The following TBL1XR1 variants were observed in gnomAD, a reference collection of about 807,000 sequenced individuals.
TBL1XR1 encodes the protein TBL1X/Y related 1.
A neutral mutation model predicts 66.9 loss-of-function variants in TBL1XR1; 5 were observed. The observed-to-expected ratio is 0.07, with a 90% CI of 0.04 to 0.16. TBL1XR1 has a LOEUF of 0.16. TBL1XR1 is among the 10% of genes least tolerant of loss of function. The pLI is 1.00. For synonymous variants in TBL1XR1, 210 were observed against 206.0 expected (o/e 1.02, Z -0.17); for missense variants, 238 against 623.2 (o/e 0.38, Z 6.58).
At chr3:177,197,782 G>A (rs868833442), upstream of TBL1XR1, among the ~76,000 whole-genome samples, 2 of 147,304 alleles carry the variant, frequency 1.4e-5, no homozygotes, top group Non-Finnish European at 3.0e-5. Flanking sequence ...GGGCTGTGCG[G>A]CGCATTCTTT....
At chr3:177,092,939 A>G (rs1046434332) in intron 2 of TBL1XR1, among the ~76,000 whole-genome samples, 2 of 152,138 alleles carry the variant, frequency 1.3e-5, no homozygotes, top group African/African-American at 4.8e-5. Context: ...TCTATTCAAC[A>G]TAGTACTTAC....
At chr3:177,074,703 C>T (rs971980269) in intron 2 of TBL1XR1, among the ~76,000 whole-genome samples, 3 of 152,130 alleles carry the variant, frequency 2.0e-5, no homozygotes, top group African/African-American at 4.8e-5. Flanking sequence ...AAGTATATTT[C>T]GTTCCTTAAA....
At chr3:177,195,265 G>A (rs1019212815) in intron 1 of TBL1XR1, among the ~76,000 whole-genome samples, 1 of 151,460 alleles carries the variant, frequency 6.6e-6, no homozygotes, top group African/African-American at 2.4e-5. Flanking sequence ...CACATCACAC[G>A]CCTAACTGCT....
At chr3:177,122,060 T>A (rs750273311) in intron 1 of TBL1XR1, among the ~76,000 whole-genome samples, 7 of 152,116 alleles carry the variant, frequency 4.6e-5, no homozygotes, top group Admixed American at 1.3e-4. Flanking sequence ...AGTGTTGAAA[T>A]CTAAAGTATT....
chr3:177,164,141 A>AT (rs1179221353), intron 1 of TBL1XR1: 1 of 152,224 alleles, frequency 6.6e-6, no homozygotes, highest in Non-Finnish European at 1.5e-5. Context: ...AACAACTAAC[A>AT]TAACATTTCA....
chr3:177,183,350 G>A (rs1412152883), intron 1 of TBL1XR1, among the ~76,000 whole-genome samples: 1 of 152,090 alleles, frequency 6.6e-6, no homozygotes, highest in Non-Finnish European at 1.5e-5. Context: ...AGTTATTTCT[G>A]CATGTATACA....
At chr3:177,072,372 C>T (rs944253890) in intron 2 of TBL1XR1, among the ~76,000 whole-genome samples, 11 of 151,386 alleles carry the variant, frequency 7.3e-5, no homozygotes, top group African/African-American at 2.7e-4. Context: ...ACCAATGTTA[C>T]AAAGCGATAG....
chr3:177,182,441 T>C (rs1172991473), intron 1 of TBL1XR1, among the ~76,000 whole-genome samples: 1 of 152,152 alleles, frequency 6.6e-6, no homozygotes, highest in Non-Finnish European at 1.5e-5. Flanking sequence ...GACAATTAAT[T>C]TGTGAAACTG....
chr3:177,080,019 T>C (rs1342665744), intron 2 of TBL1XR1: 1 of 152,120 alleles, frequency 6.6e-6, no homozygotes, highest in Admixed American at 6.5e-5. Context: ...ATCCTAAAGA[T>C]GAATTTAGGA....
intron 1 of TBL1XR1, among the ~76,000 whole-genome samples, chr3:177,193,771 G>A (rs1035636433): frequency 6.6e-6 from 1 of 152,272 alleles, no homozygotes; most frequent in East Asian, 1.9e-4. Context: ...GATCTACACG[G>A]ATCAAGACTA....
chr3:177,052,862 G>T (rs1218925405), intron 4 of TBL1XR1, among the ~76,000 whole-genome samples: 6 of 152,098 alleles, frequency 3.9e-5, no homozygotes, highest in Non-Finnish European at 8.8e-5. Flanking sequence ...CCAGCACTTT[G>T]GGAGGCCGAG....
chr3:177,165,942 T>G (rs1393544679), intron 1 of TBL1XR1, among the ~76,000 whole-genome samples: 1 of 151,588 alleles, frequency 6.6e-6, no homozygotes, highest in South Asian at 2.1e-4. Context: ...CACAAAAAAT[T>G]AGCTGGACAT....
chr3:177,185,681 C>G (rs1735321716), intron 1 of TBL1XR1, among the ~76,000 whole-genome samples: 1 of 150,744 alleles, frequency 6.6e-6, no homozygotes, highest in Admixed American at 6.6e-5. Context: ...CCCTTATTAA[C>G]AAAAAAATCA....
At chr3:177,071,457 G>T (rs1004848663) in intron 2 of TBL1XR1, among the ~76,000 whole-genome samples, 1 of 152,096 alleles carries the variant, frequency 6.6e-6, no homozygotes, top group African/African-American at 2.4e-5. Flanking sequence ...ACGTAACTCA[G>T]ACTAGTAAGT....
At chr3:177,160,487 A>C (rs1312640168) in intron 1 of TBL1XR1, among the ~76,000 whole-genome samples, 1 of 151,826 alleles carries the variant, frequency 6.6e-6, no homozygotes, top group Non-Finnish European at 1.5e-5. Context: ...AAAAAAAAAA[A>C]AAGTATCCAA....
At chr3:177,051,464 T>C (rs1464884860) in intron 5 of TBL1XR1, 40 bp downstream of exon 5, 34 of 1,535,834 alleles carry the variant, frequency 2.2e-5, no homozygotes, top group African/African-American at 4.2e-5. Context: ...AATAAATAAA[T>C]AAACCATGTA....
intron 1 of TBL1XR1, among the ~76,000 whole-genome samples, chr3:177,173,774 A>ACAT (rs1733838675): frequency 6.6e-6 from 1 of 152,230 alleles, no homozygotes; most frequent in South Asian, 2.1e-4. Flanking sequence ...CACCATGGTT[A>ACAT]GGTAAGACTG....
At chr3:177,101,206 A>G (rs966278457) in intron 1 of TBL1XR1, among the ~76,000 whole-genome samples, 1 of 152,286 alleles carries the variant, frequency 6.6e-6, no homozygotes, top group East Asian at 1.9e-4. Context: ...ATTAGATCAT[A>G]GCAAGTGAAG....
upstream of TBL1XR1, among the ~76,000 whole-genome samples, chr3:177,198,234 G>A (rs190656196): frequency 3.9e-5 from 6 of 152,290 alleles, no homozygotes; most frequent in East Asian, 9.6e-4. Context: ...CACAAGAAAA[G>A]GTTTTTGATA....
Sources: allele counts gnomAD v4.1 joint callset (sites outside exome capture counted in the v4.1 genomes callset), GRCh38; gene constraint gnomAD v4.1.1; transcripts MANE v1.5; gene names NCBI Gene and HGNC (gene_info 2026-07-23, HGNC 2026-07-21).